DPYD: variants seen among roughly 807,000 people sequenced by gnomAD.
DPYD encodes the protein dihydropyrimidine dehydrogenase, also known as dihydropyrimidine dehydrogenase [NADP(+)].
DPYD carries 109 observed loss-of-function variants against 116.2 expected under a neutral mutation model. That is an observed-to-expected ratio of 0.94 (90% CI 0.80 to 1.10). DPYD has a LOEUF of 1.10. Among genes scored for constraint, DPYD ranks in the 50% least tolerant of loss-of-function variants. The pLI is 0.00. For synonymous variants in DPYD, 440 were observed against 432.0 expected, an observed-to-expected ratio of 1.02 and a Z score of -0.23; for missense variants, 1,302 against 1,254.5, an observed-to-expected ratio of 1.04 and a Z score of -0.57.
intron 3 of DPYD, among the ~76,000 whole-genome samples, chr1:97,791,790 A>T (rs897147360): frequency 6.6e-6 from 1 of 152,236 alleles, no homozygotes; most frequent in Non-Finnish European, 1.5e-5. Flanking sequence ...GATCACTAAA[A>T]TTTGTGCACT....
intron 19 of DPYD, among the ~76,000 whole-genome samples, chr1:97,227,347 AAAAAAAAAAAG>A: frequency 1.3e-5 from 1 of 75,884 alleles, no homozygotes; most frequent in Middle Eastern, 6.3e-3. Flanking sequence ...AAAAAAAAAA[AAAAAAAAAAAG>A]AAAGAAAGAA....
Position 97,117,908 on chromosome 1 carries a change from T to C in DPYD, c.2623-19276A>G, listed in dbSNP as rs541714365. Among the ~76,000 whole-genome samples, 21 of 152,264 alleles carry C rather than the reference T, an allele frequency of 1.4e-4. No individual in the cohort carries two copies. In the East Asian group the frequency reaches 4.1e-3, roughly 29 times the overall value. On this transcript the variant is annotated intron_variant, in intron 20 of 22. Coordinates refer to ENST00000370192, the MANE Select transcript of DPYD (RefSeq NM_000110.4). ...CTATGGATGATTATTGACTACATAA[T>C]CAATTTTAGTAGTTTTTATTTGACA...
At chr1:97,730,707 G>A (rs1663544129) in intron 4 of DPYD, among the ~76,000 whole-genome samples, 1 of 151,970 alleles carries the variant, frequency 6.6e-6, no homozygotes, top group Non-Finnish European at 1.5e-5. Flanking sequence ...AGAGGCTTAA[G>A]TTTTTCATTT....
chr1:97,349,427 T>C (rs1319772104), intron 16 of DPYD, among the ~76,000 whole-genome samples: 3 of 152,044 alleles, frequency 2.0e-5, no homozygotes, highest in Non-Finnish European at 4.4e-5. Flanking sequence ...ACATGTGCCA[T>C]GTTGGTGTGC....
At chr1:97,664,480 G>T (rs1338799118) in intron 8 of DPYD, among the ~76,000 whole-genome samples, 1 of 151,604 alleles carries the variant, frequency 6.6e-6, no homozygotes, top group African/African-American at 2.4e-5. Context: ...GGTTGTGAGG[G>T]CATAATTAAG....
At chr1:97,787,668 G>A (rs1040799993) in intron 3 of DPYD, among the ~76,000 whole-genome samples, 2 of 152,018 alleles carry the variant, frequency 1.3e-5, no homozygotes, top group Non-Finnish European at 2.9e-5. Flanking sequence ...AAATCTTAAG[G>A]GAAATTCTGA....
chr1:97,199,772 GGAT>G (rs1401840238), intron 19 of DPYD, among the ~76,000 whole-genome samples: 3 of 152,096 alleles, frequency 2.0e-5, no homozygotes, highest in Non-Finnish European at 4.4e-5. Flanking sequence ...TGAAAAAGGA[GGAT>G]GATAACATCT....
At chr1:97,724,301 GGGGGGGGTGTGTGTGTGTGTGTGTGT>G (rs1557910180) in intron 4 of DPYD, among the ~76,000 whole-genome samples, 13 of 15,532 alleles carry the variant, frequency 8.4e-4, no homozygotes, top group East Asian at 4.9e-3. Flanking sequence ...TGTGGGGGGG[GGGGGGGGTGTGTGTGTGTGTGTGTGT>G]GTGTGTGTGT....
intron 2 of DPYD, among the ~76,000 whole-genome samples, chr1:97,843,727 G>A (rs953300382): frequency 1.3e-5 from 2 of 152,044 alleles, no homozygotes; most frequent in Non-Finnish European, 2.9e-5. Flanking sequence ...TACAGCATTT[G>A]TATGAATTTG....
At chr1:97,416,206 T>G (rs1382920510) in intron 14 of DPYD, among the ~76,000 whole-genome samples, 1 of 152,210 alleles carries the variant, frequency 6.6e-6, no homozygotes, top group Non-Finnish European at 1.5e-5. Context: ...GCAATCTAAT[T>G]CCTTATAGCT....
chr1:97,851,266 A>G (rs939180573), intron 2 of DPYD, among the ~76,000 whole-genome samples: 4 of 147,824 alleles, frequency 2.7e-5, no homozygotes, highest in Admixed American at 1.4e-4. Flanking sequence ...ATATATATAT[A>G]TGTCACTTCT....
intron 13 of DPYD, among the ~76,000 whole-genome samples, chr1:97,478,783 T>A (rs528575997): frequency 2.3e-4 from 35 of 152,346 alleles, no homozygotes; most frequent in African/African-American, 7.7e-4. Context: ...TTTGTCTACA[T>A]CGAAAATCTG....
chr1:97,131,830 G>C (rs1382654422), intron 20 of DPYD, among the ~76,000 whole-genome samples: 6 of 152,202 alleles, frequency 3.9e-5, no homozygotes, highest in African/African-American at 1.2e-4. Context: ...AAGAAAAAAA[G>C]ATCATTCAAA....
At chr1:97,120,873 C>T (rs947616873) in intron 20 of DPYD, among the ~76,000 whole-genome samples, 2 of 152,150 alleles carry the variant, frequency 1.3e-5, no homozygotes, top group African/African-American at 2.4e-5. Context: ...GTTTGTGAAA[C>T]TACTAAAATG....
At chr1:97,126,119 C>T (rs977747811) in intron 20 of DPYD, among the ~76,000 whole-genome samples, 2 of 152,024 alleles carry the variant, frequency 1.3e-5, no homozygotes, top group Non-Finnish European at 2.9e-5. Context: ...TTTTTAAAAA[C>T]AAGTGAGATT....
intron 13 of DPYD, among the ~76,000 whole-genome samples, chr1:97,452,503 T>C (rs919824123): frequency 2.0e-5 from 3 of 152,148 alleles, no homozygotes; most frequent in Non-Finnish European, 2.9e-5. Context: ...ATTCTGCTGC[T>C]GAACAGACCA....
chr1:97,742,727 G>A (rs1445964812), intron 3 of DPYD, among the ~76,000 whole-genome samples: 5 of 152,120 alleles, frequency 3.3e-5, no homozygotes, highest in Admixed American at 6.6e-5. Flanking sequence ...TAAATATACT[G>A]AGCATTAATA....
intron 21 of DPYD, among the ~76,000 whole-genome samples, chr1:97,084,389 C>G (rs1274098411): frequency 6.6e-6 from 1 of 151,688 alleles, no homozygotes; most frequent in African/African-American, 2.4e-5. Flanking sequence ...CTTAATCCTT[C>G]CTTCTTCTTT....
chr1:97,563,019 A>C (rs2102140827), intron 11 of DPYD, among the ~76,000 whole-genome samples: 1 of 152,210 alleles, frequency 6.6e-6, no homozygotes, highest in Non-Finnish European at 1.5e-5. Flanking sequence ...ATGCCCGGCC[A>C]AATATCTAAT....
Sources: allele counts gnomAD v4.1 joint callset (sites outside exome capture counted in the v4.1 genomes callset), GRCh38; gene constraint gnomAD v4.1.1; transcripts MANE v1.5; gene names NCBI Gene and HGNC (gene_info 2026-07-23, HGNC 2026-07-21).